Variants in TET1 observed in about 807,000 individuals in gnomAD.
TET1 encodes the protein methylcytosine dioxygenase TET1.
In TET1, 13 loss-of-function variants were observed where a neutral mutation model predicts 148.7. The observed-to-expected ratio is 0.09, with a 90% CI of 0.06 to 0.14. TET1 has a LOEUF of 0.14. TET1 is among the 10% of genes least tolerant of loss of function. The probability of loss-of-function intolerance (pLI) is 1.00; values close to 1 mark genes in which losing one functional copy is unlikely to be tolerated. For missense variants in TET1, 2,182 were observed against 2,553.8 expected (o/e 0.85, Z 3.14); for synonymous variants, 907 against 937.2 (o/e 0.97, Z 0.59).
At chr10:68,624,658 TTCTCTCTCTCTCTCTCTCTCTC>T (rs201414722) in intron 3 of TET1, among the ~76,000 whole-genome samples, 5 of 95,276 alleles carry the variant, frequency 5.2e-5, no homozygotes, top group African/African-American at 7.9e-5. Flanking sequence ...CTTTCTTTCT[TTCTCTCTCTCTCTCTCTCTCTC>T]TCTCTCTCTC....
intron 4 of TET1, among the ~76,000 whole-genome samples, chr10:68,647,720 A>G (rs963324998): frequency 2.0e-5 from 3 of 152,226 alleles, no homozygotes; most frequent in African/African-American, 7.2e-5. Flanking sequence ...TGTGTGAGAT[A>G]GAAGATACAT....
chr10:68,654,289 C>A (rs2054987421), intron 6 of TET1, among the ~76,000 whole-genome samples: 1 of 151,634 alleles, frequency 6.6e-6, no homozygotes, highest in Non-Finnish European at 1.5e-5. Flanking sequence ...AAATAAGAGT[C>A]CAGTAAAAAA....
intron 3 of TET1, among the ~76,000 whole-genome samples, chr10:68,609,662 G>C (rs1180000709): frequency 6.6e-6 from 1 of 152,054 alleles, no homozygotes; most frequent in Non-Finnish European, 1.5e-5. Flanking sequence ...ACATGAATTT[G>C]ATTAAAGCAT....
intron 8 of TET1, among the ~76,000 whole-genome samples, chr10:68,676,215 C>T (rs113488674): frequency 1.7e-5 from 2 of 117,008 alleles, no homozygotes; most frequent in African/African-American, 3.5e-5. Flanking sequence ...TATATATATA[C>T]ACATATATAT....
At chr10:68,592,017 G>C (rs182559999) in intron 2 of TET1, among the ~76,000 whole-genome samples, 5 of 152,136 alleles carry the variant, frequency 3.3e-5, no homozygotes, top group Admixed American at 3.3e-4. Flanking sequence ...GTGTTTTCTA[G>C]CTTAAAAACA....
chr10:68,598,783 T>TG (rs1441231253), intron 2 of TET1, among the ~76,000 whole-genome samples: 1 of 150,388 alleles, frequency 6.6e-6, no homozygotes, highest in Non-Finnish European at 1.5e-5. Flanking sequence ...TACTGTCTCC[T>TG]GGGTTCAAGC....
intron 8 of TET1, among the ~76,000 whole-genome samples, chr10:68,679,743 A>G (rs4746779): frequency 0.94 from 143,678 of 152,208 alleles, 67,847 homozygotes; most frequent in East Asian, 0.98. Flanking sequence ...CCATGGTCTC[A>G]GCTCACTGCA....
At chr10:68,584,768 T>C (rs2053841722) in intron 2 of TET1, among the ~76,000 whole-genome samples, 1 of 151,824 alleles carries the variant, frequency 6.6e-6, no homozygotes, top group Admixed American at 6.6e-5. Flanking sequence ...CCATATGCAG[T>C]ATACTATAGC....
At chr10:68,647,666 T>G (rs2054871518) in intron 4 of TET1, among the ~76,000 whole-genome samples, 1 of 152,164 alleles carries the variant, frequency 6.6e-6, no homozygotes, top group Non-Finnish European at 1.5e-5. Flanking sequence ...TCTTCCTATA[T>G]TCAAAAAAAT....
At chr10:68,626,021 G>C (rs867719673) in intron 3 of TET1, among the ~76,000 whole-genome samples, 34 of 150,370 alleles carry the variant, frequency 2.3e-4, no homozygotes, top group African/African-American at 7.3e-4. Context: ...AAGTTCCAGA[G>C]TGAGGTGAAC....
intron 3 of TET1, chr10:68,632,471 T>C: frequency 6.2e-7 from 1 of 1,612,764 alleles, no homozygotes. Context: ...CGGCATTCAA[T>C]ATTGTATGGT....
intron 7 of TET1, among the ~76,000 whole-genome samples, chr10:68,669,250 CACA>C (rs386744971): frequency 2.1e-4 from 8 of 38,980 alleles, no homozygotes; most frequent in South Asian, 1.5e-3. Flanking sequence ...CACCACCCCC[CACA>C]AAAAAAAAAC....
chr10:68,649,451 C>T (rs551127736), intron 4 of TET1, among the ~76,000 whole-genome samples: 2 of 152,004 alleles, frequency 1.3e-5, no homozygotes, highest in East Asian at 3.9e-4. Flanking sequence ...CTAAAAAATA[C>T]AAAAAATTAG....
intron 4 of TET1, among the ~76,000 whole-genome samples, chr10:68,647,916 A>G (rs2054876466): frequency 6.6e-6 from 1 of 152,242 alleles, no homozygotes; most frequent in Admixed American, 6.5e-5. Flanking sequence ...CTGGAATAAT[A>G]TATTTCTATT....
At chr10:68,588,534 G>T (rs2053884442) in intron 2 of TET1, among the ~76,000 whole-genome samples, 1 of 152,196 alleles carries the variant, frequency 6.6e-6, no homozygotes, top group African/African-American at 2.4e-5. Flanking sequence ...AATGTGAAAG[G>T]CCCAAAAGAT....
intron 4 of TET1, among the ~76,000 whole-genome samples, 180 bp downstream of exon 4, chr10:68,647,185 A>G (rs2054863537): frequency 6.6e-6 from 1 of 152,222 alleles, no homozygotes; most frequent in South Asian, 2.1e-4. Context: ...TGCCACAAGA[A>G]TGGAAAATTC....
chr10:68,603,794 T>C (rs750111147), intron 3 of TET1, among the ~76,000 whole-genome samples: 1 of 151,970 alleles, frequency 6.6e-6, no homozygotes, highest in Non-Finnish European at 1.5e-5. Flanking sequence ...AAAAGAACAC[T>C]ATTATCCATA....
chr10:68,671,888 C>A (rs974701333), intron 7 of TET1, among the ~76,000 whole-genome samples: 2 of 152,064 alleles, frequency 1.3e-5, no homozygotes, highest in Admixed American at 6.6e-5. Flanking sequence ...TCAAGCAATT[C>A]TCCTGCCACT....
intron 11 of TET1, among the ~76,000 whole-genome samples, chr10:68,689,098 A>G (rs2055556123): frequency 6.6e-6 from 1 of 152,192 alleles, no homozygotes; most frequent in Non-Finnish European, 1.5e-5. Context: ...CCCCTCAGTC[A>G]TTTAGTCTTT....
Sources: gnomAD v4.1 joint callset for allele counts (sites outside exome capture counted in the v4.1 genomes callset) on GRCh38, gnomAD v4.1.1 for gene constraint, MANE v1.5 for transcripts, NCBI Gene and HGNC (gene_info 2026-07-23, HGNC 2026-07-21) for gene names.